The following ITPRID1 variants were observed in gnomAD, a reference collection of about 807,000 sequenced individuals.
ITPRID1 encodes protein ITPRID1.
In ITPRID1, 96 loss-of-function variants were observed where a neutral mutation model predicts 95.4. That is an observed-to-expected ratio of 1.01 (90% CI 0.85 to 1.19). ITPRID1 has a LOEUF of 1.19. ITPRID1 is among the 50% of genes most tolerant of loss of function. The pLI is 0.00. For missense variants in ITPRID1, 1,339 were observed against 1,252.9 expected (o/e 1.07, Z -1.04); for synonymous variants, 510 against 453.6 (o/e 1.12, Z -1.58).
intron 10 of ITPRID1, among the ~76,000 whole-genome samples, chr7:31,616,860 ACAGATAC>A (rs940558274): frequency 8.6e-5 from 13 of 151,438 alleles, no homozygotes; most frequent in Admixed American, 5.9e-4. Context: ...ACCTCTCTTA[ACAGATAC>A]CAGATACCCA....
chr7:31,520,172 G>A (rs570370933), intron 1 of ITPRID1, among the ~76,000 whole-genome samples: 1 of 151,756 alleles, frequency 6.6e-6, no homozygotes, highest in South Asian at 2.1e-4. Flanking sequence ...TGGGGTTATG[G>A]GTTTGGGGGA....
intron 5 of ITPRID1, among the ~76,000 whole-genome samples, chr7:31,557,271 G>A (rs1784479108): frequency 6.6e-6 from 1 of 152,032 alleles, no homozygotes. Context: ...CACTTCTGAG[G>A]CTTTGTACAC....
chr7:31,538,741 G>A (rs1783839427), intron 1 of ITPRID1, among the ~76,000 whole-genome samples: 2 of 152,196 alleles, frequency 1.3e-5, no homozygotes, highest in African/African-American at 4.8e-5. Flanking sequence ...GGAATATGAT[G>A]TTGTTATATC....
chr7:31,610,902 T>G (rs1430811884), intron 10 of ITPRID1, among the ~76,000 whole-genome samples: 1 of 151,446 alleles, frequency 6.6e-6, no homozygotes, highest in African/African-American at 2.4e-5. Flanking sequence ...ATGTTTTATT[T>G]TTATCCATGC....
chr7:31,584,727 A>C (rs575528440), intron 10 of ITPRID1, among the ~76,000 whole-genome samples: 21 of 152,390 alleles, frequency 1.4e-4, no homozygotes, highest in Middle Eastern at 6.8e-3. Flanking sequence ...ATAAATATGT[A>C]AAACTAGTTC....
chr7:31,610,183 G>C (rs1248571075), intron 10 of ITPRID1, among the ~76,000 whole-genome samples: 1 of 151,502 alleles, frequency 6.6e-6, no homozygotes, highest in African/African-American at 2.4e-5. Context: ...CTTATTTTGT[G>C]GACTATCATA....
intron 5 of ITPRID1, among the ~76,000 whole-genome samples, chr7:31,557,549 G>A (rs887239450): frequency 3.4e-4 from 51 of 152,132 alleles, no homozygotes; most frequent in Admixed American, 2.4e-3. Flanking sequence ...CGGGAATCTG[G>A]TTGGCCCATT....
chr7:31,523,468 A>T (rs140181241), intron 1 of ITPRID1, among the ~76,000 whole-genome samples: 2 of 152,258 alleles, frequency 1.3e-5, no homozygotes, highest in Non-Finnish European at 2.9e-5. Flanking sequence ...GAGATATCCA[A>T]TAGTAATCCA....
At chr7:31,632,522 T>A (rs10235961) in intron 10 of ITPRID1, among the ~76,000 whole-genome samples, 79,463 of 152,086 alleles carry the variant, frequency 0.52, 21,333 homozygotes, top group East Asian at 0.83. Context: ...AGATCAAATT[T>A]CACAAGGATA....
chr7:31,540,278 T>C (rs929620923), intron 1 of ITPRID1, among the ~76,000 whole-genome samples: 4 of 152,114 alleles, frequency 2.6e-5, no homozygotes, highest in African/African-American at 9.7e-5. Context: ...CCAGGCACCC[T>C]CAGTTATTAG....
At position 31,551,754 on chromosome 7, in the gene ITPRID1, G is replaced by A. The variant is rs1321581278; in HGVS notation, c.-23-1248G>A. Among the ~76,000 whole-genome samples, 4 of 143,672 alleles carry A rather than the reference G, an allele frequency of 2.8e-5. No individual in the cohort carries two copies. The South Asian group carries it at 9.1e-4, about 33-fold the overall frequency. The allele number at this position is 143,672 out of a possible 152,430, so 94.3% of individuals were successfully genotyped here. A position where few individuals can be genotyped will look rare whatever the true frequency, so the allele number is the denominator to read the frequency against. On this transcript the variant is annotated intron_variant, in intron 2 of 14. Coordinates refer to ENST00000615280, the MANE Select transcript of ITPRID1 (RefSeq NM_001257967.3). ...CATTTGTAATAAATCTGAATGGTTT[G>A]CCTTTTGCAAACAGATTAGAAATGA...
rs776136192 is a variant in ITPRID1, at chr7:31,574,705, A to G, written c.561A>G (p.Gln187=). 5 of 1,613,830 alleles carry G rather than the reference A, an allele frequency of 3.1e-6. No individual in the cohort carries two copies. The highest frequency in any genetic ancestry group is 1.7e-4 in the Middle Eastern group (1 of 6,060). The change falls in exon 8 of 15, where the codon CAA becomes CAG. Residue 187 remains glutamine (Q), a synonymous_variant. Coordinates refer to ENST00000615280, the MANE Select transcript of ITPRID1 (RefSeq NM_001257967.3). ...GINIRVFLEA[Q]KQRMDIENPN... is the part of the protein sequence containing the mutation. ...ACATCCGTGTTTTTCTTGAAGCTCA[A>G]AAGCAGCGAATGGACATTGAGAACC...
At chr7:31,521,300 T>A (rs769674457) in intron 1 of ITPRID1, among the ~76,000 whole-genome samples, 9 of 152,234 alleles carry the variant, frequency 5.9e-5, no homozygotes, top group Admixed American at 1.3e-4. Flanking sequence ...AATATTTTTC[T>A]AATTCTCTTG....
chr7:31,552,690 C>T (rs908846785), intron 2 of ITPRID1, among the ~76,000 whole-genome samples: 1 of 152,100 alleles, frequency 6.6e-6, no homozygotes, highest in African/African-American at 2.4e-5. Flanking sequence ...TGGGTGTGTC[C>T]TCAAGTCTAA....
chr7:31,639,005 G>T (rs11760979), intron 10 of ITPRID1, among the ~76,000 whole-genome samples: 108,961 of 151,924 alleles, frequency 0.72, 39,744 homozygotes, highest in East Asian at 0.83. Context: ...TTGAACTCCT[G>T]ACCTCAGGTG....
intron 12 of ITPRID1, among the ~76,000 whole-genome samples, chr7:31,650,923 C>T (rs1277350683): frequency 1.3e-5 from 2 of 152,142 alleles, no homozygotes; most frequent in Non-Finnish European, 2.9e-5. Context: ...CACCCAAAGG[C>T]CACCCAACAA....
At chr7:31,544,747 A>G (rs1784043404) in intron 1 of ITPRID1, among the ~76,000 whole-genome samples, 1 of 152,166 alleles carries the variant, frequency 6.6e-6, no homozygotes, top group Admixed American at 6.6e-5. Context: ...ATTAGTAGAT[A>G]TCATTGAATC....
chr7:31,647,234 C>A (rs27328), intron 12 of ITPRID1, among the ~76,000 whole-genome samples: 149,110 of 152,350 alleles, frequency 0.98, 72,977 homozygotes, highest in East Asian at 1. Flanking sequence ...GGCCTGAAAA[C>A]TGTTCTGAAG....
chr7:31,527,275 C>T (rs1423230265), intron 1 of ITPRID1, among the ~76,000 whole-genome samples: 1 of 152,262 alleles, frequency 6.6e-6, no homozygotes, highest in Admixed American at 6.5e-5. Flanking sequence ...AAAACTGCGC[C>T]TCTTCTTTTA....
Sources: gnomAD v4.1 joint callset for allele counts (sites outside exome capture counted in the v4.1 genomes callset) on GRCh38, gnomAD v4.1.1 for gene constraint, MANE v1.5 for transcripts, NCBI Gene and HGNC (gene_info 2026-07-23, HGNC 2026-07-21) for gene names.